Variants in COBL observed in about 807,000 individuals in gnomAD.
COBL encodes cordon-bleu WH2 repeat protein.
A neutral mutation model predicts 98.8 loss-of-function variants in COBL; 51 were observed. The ratio of observed to expected loss-of-function variants is 0.52; its 90% CI spans 0.41 to 0.65. The LOEUF is 0.65. COBL is among the 30% of genes least tolerant of loss of function. The pLI, the probability that COBL is intolerant of heterozygous loss-of-function variation, is 0.00. For synonymous variants in COBL, 634 were observed against 651.7 expected (o/e 0.97, Z 0.41); for missense variants, 1,617 against 1,617.5 (o/e 1.00, Z 0.01).
At chr7:51,316,089 G>A (rs1584483425) in intron 1 of COBL, among the ~76,000 whole-genome samples, 1 of 152,200 alleles carries the variant, frequency 6.6e-6, no homozygotes, top group East Asian at 1.9e-4. Context: ...CGAAGCCGGG[G>A]AGCCCTCCCC....
chr7:51,192,793 G>A (rs929557649), intron 3 of COBL, among the ~76,000 whole-genome samples: 1 of 152,076 alleles, frequency 6.6e-6, no homozygotes, highest in Non-Finnish European at 1.5e-5. Flanking sequence ...CTGGGAAGAT[G>A]TTTAAATCTT....
At chr7:51,288,929 A>G (rs1800636555) in intron 1 of COBL, among the ~76,000 whole-genome samples, 2 of 152,234 alleles carry the variant, frequency 1.3e-5, no homozygotes, top group African/African-American at 4.8e-5. Flanking sequence ...CAAGAACAAT[A>G]TAAGAAGTCA....
At chr7:51,123,909 C>A (rs1797966034) in intron 6 of COBL, among the ~76,000 whole-genome samples, 2 of 152,144 alleles carry the variant, frequency 1.3e-5, no homozygotes, top group Non-Finnish European at 2.9e-5. Flanking sequence ...TTACACAACT[C>A]TCTTGGATTG....
Position 51,050,207 on chromosome 7 carries a change from G to A in COBL, c.1097-6515C>T, listed in dbSNP as rs576008542. ...AAAAACATTTATGGATCTAAAATTA[G>A]ACCTGGATTCTCTTAAGAGTCAAGT... On this transcript the variant is annotated intron_variant, in intron 7 of 12. Coordinates refer to ENST00000265136, the MANE Select transcript of COBL (RefSeq NM_015198.5). 4.5e-4 allele frequency among the ~76,000 whole-genome samples: 68 copies of A among 152,266 alleles called. 1 individual carries two copies. Among genetic ancestry groups the A allele is most frequent in the Non-Finnish European group, 2.9e-5 (2 of 68,034 alleles).
At chr7:51,077,825 C>T (rs1793238807) in intron 7 of COBL, among the ~76,000 whole-genome samples, 1 of 151,906 alleles carries the variant, frequency 6.6e-6, no homozygotes, top group African/African-American at 2.4e-5. Flanking sequence ...TTTGAAGTGG[C>T]CAGTTCTGCA....
chr7:51,197,159 C>T (rs1467903959), intron 2 of COBL, among the ~76,000 whole-genome samples: 1 of 152,064 alleles, frequency 6.6e-6, no homozygotes, highest in Non-Finnish European at 1.5e-5. Context: ...TAGGCATTTG[C>T]TGCTATAAAT....
In COBL at chr7:51,179,195, C is replaced by T. The variant is rs368654460; in HGVS notation, c.783+4907G>A. On this transcript the variant is annotated intron_variant, in intron 5 of 12. Coordinates refer to ENST00000265136, the MANE Select transcript of COBL (RefSeq NM_015198.5). ...TGGTATGTGAAAATCATACTGGAAG[C>T]ATTGTTAAATAAGAGTGTTTAACTT... Among the ~76,000 whole-genome samples the T allele has an allele frequency of 7.2e-5, 11 of 152,214 alleles. No individual in the cohort carries two copies. The East Asian group carries it at 2.1e-3, about 29-fold the overall frequency.
chr7:51,064,996 A>T, intron 7 of COBL: 1 of 602,382 alleles, frequency 1.7e-6, no homozygotes, highest in Non-Finnish European at 2.9e-6. Context: ...ACAATATGGC[A>T]AGCTTTCAGA....
intron 2 of COBL, among the ~76,000 whole-genome samples, chr7:51,209,735 C>A (rs569290081): frequency 1.5e-4 from 23 of 152,208 alleles, no homozygotes; most frequent in African/African-American, 5.3e-4. Flanking sequence ...GGGAGTGGGT[C>A]CCTGGATTTC....
intron 5 of COBL, among the ~76,000 whole-genome samples, chr7:51,158,558 G>A (rs1369805304): frequency 6.6e-6 from 1 of 152,208 alleles, no homozygotes; most frequent in East Asian, 1.9e-4. Flanking sequence ...CAAGGGAGCA[G>A]TGGGGATTTA....
At chr7:51,301,364 C>G (rs144027729) in intron 1 of COBL, among the ~76,000 whole-genome samples, 1 of 152,224 alleles carries the variant, frequency 6.6e-6, no homozygotes, top group Non-Finnish European at 1.5e-5. Flanking sequence ...CCTCACAGCC[C>G]GTGCTCTCCA....
intron 7 of COBL, among the ~76,000 whole-genome samples, chr7:51,055,211 G>A (rs1439480250): frequency 5.9e-5 from 9 of 152,168 alleles, no homozygotes. Context: ...TGTCTCCAGG[G>A]GCCCCAGCGC....
rs772412472 is a variant in COBL, at chr7:51,016,588, T to C, written c.*963A>G. 9.7e-6 allele frequency: 2 copies of C among 205,608 alleles called. No individual in the cohort carries two copies. Among genetic ancestry groups the C allele is most frequent in the African/African-American group, 2.3e-5 (1 of 43,782 alleles). The allele number at this position is 205,608 out of a possible 1,614,324, so 12.7% of individuals were successfully genotyped here. A position where few individuals can be genotyped will look rare whatever the true frequency, so the allele number is the denominator to read the frequency against. ...TCATACAAAGGGAGCCAATGAGCTG[T>C]TGGACAAACGCGTCAAGGCTGAACC... is the stretch of plus-strand genomic sequence containing the variant. On this transcript the variant is annotated 3_prime_UTR_variant, in exon 13 of 13. Transcript: ENST00000265136.
At chr7:51,121,181 C>A (rs1252193574) in intron 6 of COBL, among the ~76,000 whole-genome samples, 2 of 152,164 alleles carry the variant, frequency 1.3e-5, no homozygotes, top group Non-Finnish European at 2.9e-5. Flanking sequence ...GCCAACGCAT[C>A]TTTTCTTTTG....
At chr7:51,237,823 GA>G (rs1387591652) in intron 1 of COBL, among the ~76,000 whole-genome samples, 1 of 152,212 alleles carries the variant, frequency 6.6e-6, no homozygotes, top group African/African-American at 2.4e-5. Context: ...TTTATACAGT[GA>G]CCAGGTCCCC....
At chr7:51,106,407 C>T (rs957929817) in intron 6 of COBL, among the ~76,000 whole-genome samples, 2 of 152,206 alleles carry the variant, frequency 1.3e-5, no homozygotes, top group South Asian at 4.1e-4. Context: ...AGCAGTATCC[C>T]GGCTGGTGTC....
chr7:51,113,196 A>G (rs1263842116), intron 6 of COBL, among the ~76,000 whole-genome samples: 1 of 152,224 alleles, frequency 6.6e-6, no homozygotes, highest in East Asian at 1.9e-4. Context: ...GGATTCTGGC[A>G]ATATTCTTAA....
chr7:51,173,373 G>C (rs1788066515), intron 5 of COBL, among the ~76,000 whole-genome samples: 1 of 151,942 alleles, frequency 6.6e-6, no homozygotes, highest in Non-Finnish European at 1.5e-5. Flanking sequence ...AGTAGAGGCA[G>C]GGTTTCACCT....
At chr7:51,179,576 T>C (rs1179579586) in intron 5 of COBL, among the ~76,000 whole-genome samples, 1 of 152,200 alleles carries the variant, frequency 6.6e-6, no homozygotes, top group African/African-American at 2.4e-5. Flanking sequence ...TCTATAATTA[T>C]AAAAGATACC....
Sources: allele counts gnomAD v4.1 joint callset (sites outside exome capture counted in the v4.1 genomes callset), GRCh38; gene constraint gnomAD v4.1.1; transcripts MANE v1.5; gene names NCBI Gene and HGNC (gene_info 2026-07-23, HGNC 2026-07-21).